TRIM5: variants seen among roughly 807,000 people sequenced by gnomAD.
The protein encoded by TRIM5 is tripartite motif-containing protein 5.
A neutral mutation model predicts 35.6 loss-of-function variants in TRIM5; 31 were observed. The ratio of observed to expected loss-of-function variants is 0.87; its 90% CI spans 0.65 to 1.18. TRIM5 has a LOEUF of 1.18. Ranked by LOEUF, TRIM5 falls within the 50% of genes most tolerant of loss-of-function variation. The pLI is 0.00. For missense variants in TRIM5, 609 were observed against 591.6 expected, an observed-to-expected ratio of 1.03 and a Z score of -0.31; for synonymous variants, 243 against 215.6, an observed-to-expected ratio of 1.13 and a Z score of -1.11.
intron 5 of TRIM5, 63 bp from the exon 6 acceptor site, chr11:5,666,144 CT>C: frequency 2.2e-6 from 3 of 1,384,372 alleles, no homozygotes; most frequent in African/African-American, 1.5e-5. Flanking sequence ...TGGAACACCC[CT>C]GACTTCCTAT....
the TRIM5 span, chr11:5,642,629 T>G: frequency 7.1e-7 from 1 of 1,407,090 alleles, no homozygotes; most frequent in Non-Finnish European, 9.5e-7. Context: ...GAATAAGGAA[T>G]ATTCTGTGGT....
chr11:5,633,154 T>C, the TRIM5 span, among the ~76,000 whole-genome samples: 1 of 148,796 alleles, frequency 6.7e-6, no homozygotes, highest in East Asian at 2.0e-4. Flanking sequence ...TTCTTTTTTT[T>C]TTTTTTTTTT....
At chr11:5,653,148 G>T in the TRIM5 span, among the ~76,000 whole-genome samples, 1 of 152,104 alleles carries the variant, frequency 6.6e-6, no homozygotes, top group African/African-American at 2.4e-5. Context: ...CACTGTACCC[G>T]GCCATCTCTG....
At chr11:5,644,101 T>G in the TRIM5 span, 10 of 408,094 alleles carry the variant, frequency 2.5e-5, no homozygotes, top group African/African-American at 2.0e-4. Context: ...TTGGAGGGTA[T>G]GTCAGTGTGT....
At chr11:5,625,784 C>G in the TRIM5 span, among the ~76,000 whole-genome samples, 1 of 152,242 alleles carries the variant, frequency 6.6e-6, no homozygotes, top group Admixed American at 6.5e-5. Flanking sequence ...CCATGTGCTA[C>G]CAGCGTCTTC....
chr11:5,683,029 C>T (rs1045321679), intron 1 of TRIM5, among the ~76,000 whole-genome samples: 2 of 152,112 alleles, frequency 1.3e-5, no homozygotes, highest in East Asian at 3.9e-4. Flanking sequence ...CTTGGTGGGC[C>T]CCGCACTCGG....
At chr11:5,608,490 A>G in the TRIM5 span, 4 of 1,569,976 alleles carry the variant, frequency 2.5e-6, no homozygotes, top group African/African-American at 5.4e-5. Context: ...CAGAGTGGGG[A>G]AGATTCAAGA....
the TRIM5 span, among the ~76,000 whole-genome samples, chr11:5,613,829 T>C: frequency 6.6e-6 from 1 of 152,224 alleles, no homozygotes; most frequent in Non-Finnish European, 1.5e-5. Context: ...AGAGCCGATA[T>C]TTAAGTTTGA....
the TRIM5 span, among the ~76,000 whole-genome samples, chr11:5,650,863 G>A: frequency 6.6e-6 from 1 of 152,196 alleles, no homozygotes; most frequent in Non-Finnish European, 1.5e-5. Context: ...ATCTACAGAA[G>A]ATAGCACCTA....
At chr11:5,678,046 C>T (rs1852128771) in intron 4 of TRIM5, 158 bp downstream of exon 4, 1 of 629,324 alleles carries the variant, frequency 1.6e-6, no homozygotes, top group Non-Finnish European at 2.6e-6. Context: ...TCTCTTGCTA[C>T]TTCTACATTC....
At position 5,665,058 on chromosome 11, in the gene TRIM5, A is replaced by G. The variant is rs756754725; in HGVS notation, c.1233T>C (p.Ser411=). Reference sequence around the variant, plus strand: ...TATGGAAGGAACTATCCTGGAAAGCACTACATTTAACTCCTTCCTCTAACC... The same window carrying G: ...TATGGAAGGAACTATCCTGGAAAGCGCTACATTTAACTCCTTCCTCTAACC... ...VIGLEEGVKC[S]AFQDSSFHTP... Residue 411 remains serine (S), a synonymous_variant, in exon 8 of 8, where the codon AGT becomes AGC. Coordinates refer to ENST00000380034, the MANE Select transcript of TRIM5 (RefSeq NM_033034.3). 4.3e-6 allele frequency: 7 copies of G among 1,614,012 alleles called. No individual in the cohort carries two copies. Among genetic ancestry groups the G allele is most frequent in the Non-Finnish European group, 5.9e-6 (7 of 1,180,028 alleles).
the TRIM5 span, among the ~76,000 whole-genome samples, chr11:5,630,242 T>C: frequency 2.0e-5 from 3 of 152,322 alleles, no homozygotes; most frequent in South Asian, 4.1e-4. Context: ...GGGATGGTGA[T>C]GGCGATGTGT....
At chr11:5,660,327 T>C (rs1473264948), downstream of TRIM5, among the ~76,000 whole-genome samples, 2 of 152,180 alleles carry the variant, frequency 1.3e-5, no homozygotes, top group African/African-American at 2.4e-5. Flanking sequence ...GAGTTTTTAG[T>C]GTTCTACCCA....
chr11:5,643,490 C>T, the TRIM5 span: 5 of 1,614,120 alleles, frequency 3.1e-6, no homozygotes, highest in Non-Finnish European at 4.2e-6. Flanking sequence ...AGTCTTTGTC[C>T]TCTGATCCCG....
At chr11:5,622,444 C>CAAAA in the TRIM5 span, among the ~76,000 whole-genome samples, 1 of 116,418 alleles carries the variant, frequency 8.6e-6, no homozygotes, top group Non-Finnish European at 1.8e-5. Context: ...GACTACCTCT[C>CAAAA]AAAAAAAAAA....
chr11:5,665,031 A>G lies in TRIM5; in HGVS notation c.1260T>C (p.Thr420=), dbSNP rs1029046017. 1 of 1,614,032 alleles carries G rather than the reference A, an allele frequency of 6.2e-7. No individual in the cohort carries two copies. The highest frequency in any genetic ancestry group is 8.5e-7 in the Non-Finnish European group (1 of 1,180,036). The change falls in exon 8 of 8, where the codon ACT becomes ACC. Residue 420 remains threonine, a synonymous_variant. Transcript: ENST00000380034. ...GGGGCACAATGAAAGGAACAGAAGG[A>G]GTATGGAAGGAACTATCCTGGAAAG... The part of the protein sequence containing the change: ...CSAFQDSSFH[T]PSVPFIVPLS...
At chr11:5,661,390 C>T (rs143647588), downstream of TRIM5, among the ~76,000 whole-genome samples, 50 of 152,266 alleles carry the variant, frequency 3.3e-4, no homozygotes, top group Admixed American at 5.2e-4. Flanking sequence ...TTAGCCCCTA[C>T]GAACTCTCAT....
the TRIM5 span, among the ~76,000 whole-genome samples, chr11:5,634,434 C>T: frequency 6.8e-6 from 1 of 147,188 alleles, no homozygotes; most frequent in Non-Finnish European, 1.5e-5. Flanking sequence ...ATTTGAACTC[C>T]CTGAAAAAAA....
chr11:5,646,064 A>G, the TRIM5 span, among the ~76,000 whole-genome samples: 2 of 132,754 alleles, frequency 1.5e-5, no homozygotes, highest in Admixed American at 1.5e-4. Flanking sequence ...TATGTATAAT[A>G]CATATAAATG....
Sources: allele counts gnomAD v4.1 joint callset (sites outside exome capture counted in the v4.1 genomes callset), GRCh38; gene constraint gnomAD v4.1.1; transcripts MANE v1.5; gene names NCBI Gene and HGNC (gene_info 2026-07-23, HGNC 2026-07-21).